Variants in TENM4 observed in about 807,000 individuals in gnomAD.
TENM4 encodes teneurin-4.
A neutral mutation model predicts 243.3 loss-of-function variants in TENM4; 82 were observed. That is an observed-to-expected ratio of 0.34 (90% CI 0.28 to 0.40). The LOEUF is 0.40. TENM4 is among the 10% of genes least tolerant of loss of function. The probability of loss-of-function intolerance (pLI) is 1.00; values close to 1 mark genes in which losing one functional copy is unlikely to be tolerated. For missense variants in TENM4, 3,138 were observed against 3,673.3 expected, an observed-to-expected ratio of 0.85 and a Z score of 3.77; for synonymous variants, 1,412 against 1,456.3, an observed-to-expected ratio of 0.97 and a Z score of 0.69.
In TENM4 at chr11:78,990,487, A is replaced by G. The variant is rs911735645; in HGVS notation, c.493+74251T>C. On this transcript the variant is annotated intron_variant, in intron 6 of 33. Transcript: ENST00000278550. ...AGAAAACCCCGGGGCACCCTATGCC[A>G]TGGACTATTCTGAAGCTGTTAAAAA... 9.9e-5 allele frequency among the ~76,000 whole-genome samples: 15 copies of G among 152,222 alleles called. 1 individual carries two copies. The highest frequency in any genetic ancestry group is 3.6e-4 in the African/African-American group (15 of 41,452).
At chr11:79,033,706 T>C (rs1859305951) in intron 6 of TENM4, among the ~76,000 whole-genome samples, 2 of 152,208 alleles carry the variant, frequency 1.3e-5, no homozygotes, top group South Asian at 4.1e-4. Context: ...ATATTTAACA[T>C]GGACACTAGT....
chr11:78,845,882 G>T (rs918572824), intron 12 of TENM4, among the ~76,000 whole-genome samples: 1 of 152,242 alleles, frequency 6.6e-6, no homozygotes, highest in Non-Finnish European at 1.5e-5. Flanking sequence ...ATGGAGGATA[G>T]GAGCAGGGGT....
At chr11:78,793,803 T>C (rs894719040) in intron 15 of TENM4, among the ~76,000 whole-genome samples, 26 of 152,224 alleles carry the variant, frequency 1.7e-4, no homozygotes, top group African/African-American at 6.3e-4. Context: ...CAAAGGTACT[T>C]AGCTAGAAAT....
At chr11:78,659,114 C>T (rs1014402844) in intron 33 of TENM4, among the ~76,000 whole-genome samples, 1 of 152,174 alleles carries the variant, frequency 6.6e-6, no homozygotes, top group Non-Finnish European at 1.5e-5. Flanking sequence ...ATCATCCTTG[C>T]TCTTAAAGAA....
intron 1 of TENM4, among the ~76,000 whole-genome samples, chr11:79,324,564 G>A (rs1856943112): frequency 6.6e-6 from 1 of 152,108 alleles, no homozygotes; most frequent in Non-Finnish European, 1.5e-5. Flanking sequence ...ACAGTTGGCT[G>A]AGGAACCCAT....
At chr11:78,971,770 T>C (rs1353172850) in intron 6 of TENM4, among the ~76,000 whole-genome samples, 1 of 151,726 alleles carries the variant, frequency 6.6e-6, no homozygotes, top group Non-Finnish European at 1.5e-5. Flanking sequence ...ACATCATTTG[T>C]AATAGTAAAA....
chr11:78,958,168 T>C lies in TENM4; in HGVS notation c.494-54645A>G, dbSNP rs140023079. Among the ~76,000 whole-genome samples, 18 of 152,288 alleles carry C rather than the reference T, an allele frequency of 1.2e-4. No individual in the cohort carries two copies. In the East Asian group the frequency reaches 3.5e-3, roughly 29 times the overall value. On this transcript the variant is annotated intron_variant, in intron 6 of 33. Coordinates refer to ENST00000278550, the MANE Select transcript of TENM4 (RefSeq NM_001098816.3). ...GTTTTATAGAAAGACTTCGAGCACA[T>C]AGAAAGTCCTTATTAAATGTCAATT...
intron 32 of TENM4, among the ~76,000 whole-genome samples, chr11:78,666,732 T>C (rs1460787755): frequency 2.0e-5 from 3 of 152,216 alleles, no homozygotes; most frequent in Non-Finnish European, 4.4e-5. Context: ...AAACCCTTCA[T>C]TGCAGCCTTG....
At chr11:79,045,755 C>T (rs966974112) in intron 6 of TENM4, among the ~76,000 whole-genome samples, 11 of 150,912 alleles carry the variant, frequency 7.3e-5, no homozygotes, top group African/African-American at 2.2e-4. Flanking sequence ...AAAAAGCCCC[C>T]AAAGCCCTTT....
At chr11:78,852,064 C>T (rs929181121) in intron 12 of TENM4, among the ~76,000 whole-genome samples, 5 of 152,210 alleles carry the variant, frequency 3.3e-5, no homozygotes, top group Non-Finnish European at 5.9e-5. Context: ...ATTCACTGCA[C>T]GACACTGCAC....
chr11:78,753,784 A>C (rs1221877935), intron 19 of TENM4, among the ~76,000 whole-genome samples: 1 of 152,082 alleles, frequency 6.6e-6, no homozygotes, highest in African/African-American at 2.4e-5. Context: ...TAGAGCAAAT[A>C]CTATATCCCT....
At chr11:78,778,113 C>A (rs933573598) in intron 17 of TENM4, among the ~76,000 whole-genome samples, 1 of 152,180 alleles carries the variant, frequency 6.6e-6, no homozygotes, top group African/African-American at 2.4e-5. Flanking sequence ...GCCTAGTACA[C>A]AGTGGGTGCT....
At position 78,917,004 on chromosome 11, in the gene TENM4, C is replaced by T. The variant is rs550459829; in HGVS notation, c.494-13481G>A. 9.2e-5 allele frequency among the ~76,000 whole-genome samples: 14 copies of T among 152,328 alleles called. No individual in the cohort carries two copies. The East Asian group carries it at 2.7e-3, about 29-fold the overall frequency. On this transcript the variant is annotated intron_variant, in intron 6 of 33. Coordinates refer to ENST00000278550, the MANE Select transcript of TENM4 (RefSeq NM_001098816.3). ...TTCTGAAGTACCTCGGCTACATGCA[C>T]TGAGCAATTTATTAAATGCAAAAAC...
rs1030742355 is a variant in TENM4 at position 78,847,860 on chromosome 11, C to T, written c.1681+6244G>A. Among the ~76,000 whole-genome samples, 10 of 152,272 alleles carry T rather than the reference C, an allele frequency of 6.6e-5. No homozygotes were observed. In the East Asian group the frequency reaches 1.7e-3, roughly 26 times the overall value. The stretch of plus-strand genomic sequence containing the variant: ...CAATGAAGTAGTGCAGGTTTTTACA[C>T]AAATTATGGTATATAATGTCAGAGA... On this transcript the variant is annotated intron_variant, in intron 12 of 33. Coordinates refer to ENST00000278550, the MANE Select transcript of TENM4 (RefSeq NM_001098816.3).
intron 3 of TENM4, among the ~76,000 whole-genome samples, chr11:79,152,625 A>G (rs547001346): frequency 6.6e-5 from 10 of 152,378 alleles, no homozygotes; most frequent in African/African-American, 1.9e-4. Context: ...CTTCCAGTGG[A>G]ACGGGAAAAC....
chr11:79,102,215 G>A (rs1285370433), intron 4 of TENM4, among the ~76,000 whole-genome samples: 1 of 152,192 alleles, frequency 6.6e-6, no homozygotes, highest in African/African-American at 2.4e-5. Flanking sequence ...GTACAATATA[G>A]GCTCCATTTT....
chr11:79,163,398 G>T (rs1203111849), intron 3 of TENM4, among the ~76,000 whole-genome samples: 2 of 152,042 alleles, frequency 1.3e-5, no homozygotes, highest in Non-Finnish European at 2.9e-5. Flanking sequence ...CTGGAGGCCT[G>T]CCGAACTTTT....
intron 6 of TENM4, among the ~76,000 whole-genome samples, chr11:78,913,803 G>A (rs1323326621): frequency 1.3e-5 from 2 of 152,114 alleles, no homozygotes; most frequent in Non-Finnish European, 2.9e-5. Flanking sequence ...TGGATGGCGG[G>A]GTCAACTCAG....
Position 79,440,173 on chromosome 11 carries a change from G to A in TENM4, c.-321+336C>T, listed in dbSNP as rs1234366751. Among the ~76,000 whole-genome samples, 3 of 152,238 alleles carry A rather than the reference G, an allele frequency of 2.0e-5. No homozygotes were observed. Among genetic ancestry groups the A allele is most frequent in the East Asian group, 3.9e-4 (2 of 5,132 alleles). On this transcript the variant is annotated intron_variant, in intron 1 of 33. Transcript: ENST00000278550. The surrounding 1 kb of genome is among the most constrained non-coding windows in gnomAD (Gnocchi z 4.7). ...CGGGCCGGGGCGGGGAACGGGATCC[G>A]GGAGAGGCAGACGAACCTGGGGCGC...
Sources: gnomAD v4.1 joint callset for allele counts (sites outside exome capture counted in the v4.1 genomes callset) on GRCh38, gnomAD v4.1.1 for gene constraint, Gnocchi (gnomAD v3.1) non-coding constraint, MANE v1.5 for transcripts, NCBI Gene and HGNC (gene_info 2026-07-23, HGNC 2026-07-21) for gene names.